MNAT1: variants seen among roughly 807,000 people sequenced by gnomAD.
MNAT1 encodes the protein MNAT1 component of CDK activating kinase.
MNAT1 carries 43 observed loss-of-function variants against 42.0 expected under a neutral mutation model. The observed-to-expected ratio is 1.02, with a 90% CI of 0.80 to 1.32. The LOEUF is 1.32. Ranked by LOEUF, MNAT1 falls within the 40% of genes most tolerant of loss-of-function variation. MNAT1 has a pLI of 0.00. For missense variants in MNAT1, 306 were observed against 350.4 expected, an observed-to-expected ratio of 0.87 and a Z score of 1.01; for synonymous variants, 118 against 120.0, an observed-to-expected ratio of 0.98 and a Z score of 0.11.
chr14:60,775,230 A>G (rs1425393145), intron 1 of MNAT1, among the ~76,000 whole-genome samples: 1 of 152,192 alleles, frequency 6.6e-6, no homozygotes, highest in African/African-American at 2.4e-5. Context: ...GGAAGTGGTC[A>G]GTTAATGCTG....
chr14:60,928,270 A>T (rs2035806579), intron 7 of MNAT1, among the ~76,000 whole-genome samples: 1 of 152,170 alleles, frequency 6.6e-6, no homozygotes, highest in South Asian at 2.1e-4. Context: ...TCCATTCATC[A>T]GTTGATGGAC....
chr14:60,962,060 T>G (rs148353243), intron 7 of MNAT1, among the ~76,000 whole-genome samples: 22 of 152,314 alleles, frequency 1.4e-4, no homozygotes, highest in East Asian at 1.2e-3. Context: ...TACTTGCTAT[T>G]TTTAGATTTT....
At chr14:60,968,197 A>G (rs1448283208) in intron 7 of MNAT1, 32 bp from the exon 8 acceptor site, 5 of 1,506,230 alleles carry the variant, frequency 3.3e-6, no homozygotes, top group East Asian at 4.5e-5. Flanking sequence ...TTTGCTTTGT[A>G]TATCAATGCT....
rs564641581 is a variant in MNAT1 at position 60,942,431 on chromosome 14, A to C, written c.810-25798A>C. On this transcript the variant is annotated intron_variant, in intron 7 of 7. Coordinates refer to ENST00000261245, the MANE Select transcript of MNAT1 (RefSeq NM_002431.4). ...TCACAAGAAAGGGGCCCTTATTGTT[A>C]TTTCTCTCTTAATTTTTTTTTTTTT... Among the ~76,000 whole-genome samples, 4 of 133,548 alleles carry C rather than the reference A, an allele frequency of 3.0e-5. No homozygotes were observed. In the East Asian group the frequency reaches 8.6e-4, roughly 29 times the overall value. The allele number at this position is 133,548 out of a possible 152,430, so 87.6% of individuals were successfully genotyped here.
At chr14:60,956,785 C>T (rs1045371634) in intron 7 of MNAT1, among the ~76,000 whole-genome samples, 1 of 152,114 alleles carries the variant, frequency 6.6e-6, no homozygotes, top group Non-Finnish European at 1.5e-5. Flanking sequence ...TTTGACTTAA[C>T]ATCTGTTTTG....
At position 60,766,004 on chromosome 14, in the gene MNAT1, T is replaced by C. The variant is rs534659333; in HGVS notation, c.90-30213T>C. 6.6e-5 allele frequency among the ~76,000 whole-genome samples: 10 copies of C among 152,292 alleles called. No individual in the cohort carries two copies. The South Asian group carries it at 2.1e-3, about 32-fold the overall frequency. ...AATTTTAACTTTCTAATTTCTCTTT[T>C]AAGTGATTTTTAAGAAGATGATTTA... On this transcript the variant is annotated intron_variant, in intron 1 of 7. Transcript: ENST00000261245.
At chr14:60,892,304 G>T (rs772970264) in intron 7 of MNAT1, among the ~76,000 whole-genome samples, 1 of 152,028 alleles carries the variant, frequency 6.6e-6, no homozygotes, top group Non-Finnish European at 1.5e-5. Flanking sequence ...TGTTTTGATG[G>T]TCTGTTATTA....
chr14:60,874,756 T>G (rs768180120), intron 6 of MNAT1, among the ~76,000 whole-genome samples: 2 of 152,172 alleles, frequency 1.3e-5, no homozygotes, highest in Non-Finnish European at 2.9e-5. Context: ...TCTATCACCC[T>G]TACTGTTTGG....
At position 60,908,478 on chromosome 14, in the gene MNAT1, C is replaced by T. The variant is rs111985224; in HGVS notation, c.809+28643C>T. ...TAATGCTATCCCTCCCCCAACCCCC[C>T]GACCCCACAACAGGCCCCGGTGTGT... On this transcript the variant is annotated intron_variant, in intron 7 of 7. Coordinates refer to ENST00000261245, the MANE Select transcript of MNAT1 (RefSeq NM_002431.4). Among the ~76,000 whole-genome samples the T allele has an allele frequency of 3.1e-3, 470 of 151,944 alleles. 1 individual carries two copies. The highest frequency in any genetic ancestry group is 0.011 in the African/African-American group (447 of 41,438).
At chr14:60,750,329 G>A (rs976801217) in intron 1 of MNAT1, among the ~76,000 whole-genome samples, 2 of 151,358 alleles carry the variant, frequency 1.3e-5, no homozygotes, top group African/African-American at 4.9e-5. Flanking sequence ...TGGGTTCACG[G>A]CATTCTCCTG....
At chr14:60,750,338 T>A in intron 1 of MNAT1, among the ~76,000 whole-genome samples, 1 of 151,802 alleles carries the variant, frequency 6.6e-6, no homozygotes, top group Admixed American at 6.6e-5. Flanking sequence ...GGCATTCTCC[T>A]GCCTCAGCCT....
chr14:60,761,847 A>G (rs2030612376), intron 1 of MNAT1, among the ~76,000 whole-genome samples: 1 of 152,090 alleles, frequency 6.6e-6, no homozygotes, highest in Non-Finnish European at 1.5e-5. Flanking sequence ...CCTTTCTTAT[A>G]TCTTGTTTTG....
intron 7 of MNAT1, among the ~76,000 whole-genome samples, chr14:60,960,389 G>A (rs888711820): frequency 1.3e-4 from 19 of 151,944 alleles, no homozygotes; most frequent in Non-Finnish European, 1.9e-4. Context: ...CTCTTTTCTC[G>A]TTCTATCCCT....
At chr14:60,908,748 G>C (rs192151561) in intron 7 of MNAT1, among the ~76,000 whole-genome samples, 185 of 152,308 alleles carry the variant, frequency 1.2e-3, no homozygotes, top group Non-Finnish European at 2.1e-3. Flanking sequence ...TTAGTTCCAA[G>C]TCTTTGCTAT....
At chr14:60,808,010 AT>A (rs1023254575) in intron 3 of MNAT1, among the ~76,000 whole-genome samples, 1 of 152,014 alleles carries the variant, frequency 6.6e-6, no homozygotes, top group Non-Finnish European at 1.5e-5. Flanking sequence ...AATTTAAACA[AT>A]TTTTTTATGC....
At chr14:60,796,469 A>T in intron 2 of MNAT1, 100 bp downstream of exon 2, 1 of 1,062,630 alleles carries the variant, frequency 9.4e-7, no homozygotes, top group Non-Finnish European at 1.3e-6. Context: ...CAGATTAGCA[A>T]GTAAATAACT....
intron 7 of MNAT1, among the ~76,000 whole-genome samples, chr14:60,908,586 C>G (rs550108273): frequency 1.3e-5 from 2 of 150,326 alleles, no homozygotes; most frequent in East Asian, 4.0e-4. Flanking sequence ...GGTTTTTTGT[C>G]CTTGCGATAG....
intron 7 of MNAT1, among the ~76,000 whole-genome samples, chr14:60,910,933 G>A (rs186660128): frequency 6.6e-4 from 100 of 152,148 alleles, no homozygotes; most frequent in Non-Finnish European, 1.5e-4. Context: ...GGTAAAATTC[G>A]GCTGTGAAAC....
At chr14:60,738,186 T>C (rs1448428452) in intron 1 of MNAT1, among the ~76,000 whole-genome samples, 3 of 151,216 alleles carry the variant, frequency 2.0e-5, no homozygotes, top group African/African-American at 7.3e-5. Context: ...TTTTTTAAAA[T>C]CTTGCATTTT....
Sources: gnomAD v4.1 joint callset for allele counts (sites outside exome capture counted in the v4.1 genomes callset) on GRCh38, gnomAD v4.1.1 for gene constraint, MANE v1.5 for transcripts, NCBI Gene and HGNC (gene_info 2026-07-23, HGNC 2026-07-21) for gene names.